Variants in FANCB observed in about 807,000 individuals in gnomAD.
The protein encoded by FANCB is FA complementation group B.
In FANCB, 5 loss-of-function variants were observed where a neutral mutation model predicts 38.9. The ratio of observed to expected loss-of-function variants is 0.13; its 90% confidence interval spans 0.07 to 0.27. FANCB has a LOEUF of 0.27. FANCB is among the 10% of genes least tolerant of loss of function. The probability of loss-of-function intolerance (pLI) is 1.00; values close to 1 mark genes in which losing one functional copy is unlikely to be tolerated. For synonymous variants in FANCB, 236 were observed against 215.4 expected (o/e 1.10, Z -0.84); for missense variants, 573 against 602.7 (o/e 0.95, Z 0.52).
the FANCB span, chrX:14,730,816 C>T: frequency 5.3e-6 from 1 of 187,344 alleles, no homozygotes; most frequent in Admixed American, 7.0e-5. Context: ...GGGTCAAGTT[C>T]TTAAGGGCTG....
chrX:14,795,221 T>A, the FANCB span, among the ~76,000 whole-genome samples: 2 of 112,375 alleles, frequency 1.8e-5, no homozygotes, highest in Non-Finnish European at 3.8e-5. Context: ...GGCTTTAATT[T>A]TCATCTTAGT....
chrX:14,737,364 T>C, the FANCB span, among the ~76,000 whole-genome samples: 1 of 112,317 alleles, frequency 8.9e-6, no homozygotes, highest in Admixed American at 9.4e-5. Flanking sequence ...ATCAGTATTC[T>C]GAGGAAGATA....
the FANCB span, among the ~76,000 whole-genome samples, chrX:14,743,823 T>G: frequency 3.6e-5 from 4 of 111,270 alleles, no homozygotes; most frequent in African/African-American, 1.3e-4. Flanking sequence ...ATTCGGGTAA[T>G]CCTTTGCATT....
chrX:14,716,553 G>A, the FANCB span, among the ~76,000 whole-genome samples: 1 of 111,523 alleles, frequency 9.0e-6, no homozygotes, highest in Non-Finnish European at 1.9e-5. Context: ...CCTTCCCCCA[G>A]GGAGCACGAC....
the FANCB span, among the ~76,000 whole-genome samples, chrX:14,713,157 A>G: frequency 1.8e-5 from 2 of 112,040 alleles, no homozygotes; most frequent in African/African-American, 3.2e-5. Context: ...CCAAGTTAGT[A>G]AACAAGCAAA....
chrX:14,719,956 A>G, the FANCB span, among the ~76,000 whole-genome samples: 11 of 111,744 alleles, frequency 9.8e-5, no homozygotes, highest in African/African-American at 3.6e-4. Flanking sequence ...AAAGAGAAAT[A>G]CTACAATTTC....
At chrX:14,810,246 A>C in the FANCB span, among the ~76,000 whole-genome samples, 1 of 112,058 alleles carries the variant, frequency 8.9e-6, no homozygotes, top group Non-Finnish European at 1.9e-5. Flanking sequence ...GGAAACTCTA[A>C]AAAGCAGAGC....
chrX:14,695,003 C>T, the FANCB span, among the ~76,000 whole-genome samples: 1 of 111,827 alleles, frequency 8.9e-6, no homozygotes, highest in Non-Finnish European at 1.9e-5. Flanking sequence ...TTCAGATGCC[C>T]ATGAGACATC....
At chrX:14,848,560 A>AT (rs759366127) in intron 7 of FANCB, among the ~76,000 whole-genome samples, 69 of 111,447 alleles carry the variant, frequency 6.2e-4, no homozygotes, top group African/African-American at 2.0e-3. Flanking sequence ...GTTTCCATGG[A>AT]TTGTTAGTAA....
rs540569670 is a variant in FANCB, at chrX:14,844,577, C to T, written c.2091G>A (p.Pro697=). Residue 697 remains proline (P), a synonymous_variant, in exon 9 of 10, where the codon CCG becomes CCA. Coordinates refer to ENST00000650831, the MANE Select transcript of FANCB (RefSeq NM_001018113.3). Reference sequence around the variant, plus strand: ...TGAAGAGTGTCCCATAGAAACTTCCCGGTCTTTCACAAAAGTACACTTCTG... The same window carrying T: ...TGAAGAGTGTCCCATAGAAACTTCCTGGTCTTTCACAAAAGTACACTTCTG... ...EFPEVYFCER[P]GSFYGTLFTW... is the part of the protein sequence containing the mutation. 5.0e-6 allele frequency: 6 copies of T among 1,207,836 alleles called. No homozygotes were observed. The highest frequency in any genetic ancestry group is 1.7e-5 in the African/African-American group (1 of 57,183).
intron 5 of FANCB, among the ~76,000 whole-genome samples, chrX:14,853,961 TA>T (rs2092412732): frequency 8.9e-6 from 1 of 112,573 alleles, no homozygotes; most frequent in Non-Finnish European, 1.9e-5. Context: ...TAATAAAACA[TA>T]TTTTTCTAGA....
At chrX:14,795,697 A>C in the FANCB span, among the ~76,000 whole-genome samples, 1 of 112,204 alleles carries the variant, frequency 8.9e-6, no homozygotes, top group Non-Finnish European at 1.9e-5. Flanking sequence ...ATCAAGGGGA[A>C]AGTTTCAAAC....
Position 14,865,364 on chromosome X carries a change from T to C in FANCB, c.147A>G (p.Val49=). The C allele has an allele frequency of 1.7e-6, 2 of 1,203,334 alleles. No individual in the cohort carries two copies. The highest frequency in any genetic ancestry group is 2.2e-6 in the Non-Finnish European group (2 of 890,801). The part of the protein sequence containing the change: ...KTPILHVRRM[V]FDRGTKVFVQ... ...CAAATACTTTTGTTCCTCTGTCAAA[T>C]ACCATTCTTCTGACATGTAATATGG... The change falls in exon 3 of 10, where the codon GTA becomes GTG. Residue 49 remains valine (V), a synonymous_variant. Transcript: ENST00000650831.
intron 6 of FANCB, among the ~76,000 whole-genome samples, chrX:14,850,928 C>A (rs770971444): frequency 1.6e-4 from 18 of 110,284 alleles, no homozygotes; most frequent in Middle Eastern, 4.7e-3. Context: ...CAACAAAGAG[C>A]CAAAAGGGAG....
chrX:14,757,548 C>T, the FANCB span, among the ~76,000 whole-genome samples: 16 of 111,889 alleles, frequency 1.4e-4, no homozygotes, highest in Non-Finnish European at 2.6e-4. Flanking sequence ...TCATCTGCCC[C>T]CAAACACAGA....
chrX:14,862,866 T>A (rs1259273045), intron 3 of FANCB, among the ~76,000 whole-genome samples: 1 of 111,929 alleles, frequency 8.9e-6, no homozygotes. Flanking sequence ...CCAGGGTACG[T>A]GTGTTCTTTC....
chrX:14,738,445 T>G, the FANCB span, among the ~76,000 whole-genome samples: 1 of 111,875 alleles, frequency 8.9e-6, no homozygotes, highest in Admixed American at 9.5e-5. Context: ...TTTCCACTGG[T>G]TATCCGCAAT....
At chrX:14,778,015 A>C in the FANCB span, among the ~76,000 whole-genome samples, 2 of 111,917 alleles carry the variant, frequency 1.8e-5, 1 homozygote, top group South Asian at 7.6e-4. Context: ...CTTCCTCCTC[A>C]ATGTCCAGAA....
chrX:14,690,022 G>A, the FANCB span, among the ~76,000 whole-genome samples: 1 of 111,842 alleles, frequency 8.9e-6, no homozygotes, highest in South Asian at 3.7e-4. Flanking sequence ...TACTTTGGTT[G>A]AATACTCTTT....
Sources: gnomAD v4.1 joint callset for allele counts (sites outside exome capture counted in the v4.1 genomes callset) on GRCh38, gnomAD v4.1.1 for gene constraint, MANE v1.5 for transcripts, NCBI Gene and HGNC (gene_info 2026-07-23, HGNC 2026-07-21) for gene names.